Variants in AIMP2 observed in about 807,000 individuals in gnomAD.
AIMP2 encodes the protein aminoacyl tRNA synthetase complex interacting multifunctional protein 2, also known as aminoacyl tRNA synthase complex-interacting multifunctional protein 2.
Under a neutral mutation model 23.4 loss-of-function variants are expected in AIMP2, and 20 were observed. The ratio of observed to expected loss-of-function variants is 0.85; its 90% CI spans 0.60 to 1.24. AIMP2 has a LOEUF of 1.24. Ranked by LOEUF, AIMP2 falls within the 50% of genes most tolerant of loss-of-function variation. The pLI is 0.00. For synonymous variants in AIMP2, 210 were observed against 170.4 expected (o/e 1.23, Z -1.81); for missense variants, 515 against 414.5 (o/e 1.24, Z -2.10).
At chr7:6,010,206 G>A (rs1786544635) in intron 1 of AIMP2, among the ~76,000 whole-genome samples, 1 of 150,892 alleles carries the variant, frequency 6.6e-6, no homozygotes, top group African/African-American at 2.4e-5. Context: ...AAACATTTTG[G>A]TTCAGAGATT....
At chr7:6,022,985 G>C (rs1787543158) in intron 3 of AIMP2, 1 of 278,226 alleles carries the variant, frequency 3.6e-6, no homozygotes, top group Non-Finnish European at 6.7e-6. Context: ...TGCAGCTCCT[G>C]GGTTTCCAGC....
intron 1 of AIMP2, among the ~76,000 whole-genome samples, chr7:6,011,334 G>A (rs1182873481): frequency 2.6e-5 from 4 of 152,170 alleles, no homozygotes; most frequent in African/African-American, 7.2e-5. Flanking sequence ...AAAGCTGGTG[G>A]GTGTAGCGTG....
At chr7:6,012,576 G>A (rs1786757498) in intron 1 of AIMP2, 1 of 192,632 alleles carries the variant, frequency 5.2e-6, no homozygotes, top group Non-Finnish European at 1.1e-5. Context: ...TTTTGTTTTT[G>A]AGACAGAGTC....
At chr7:6,015,442 A>G in intron 2 of AIMP2, 90 bp downstream of exon 2, 1 of 1,440,378 alleles carries the variant, frequency 6.9e-7, no homozygotes, top group Non-Finnish European at 9.6e-7. Context: ...CTTAGCTTTC[A>G]GGCCGGGCGT....
chr7:6,018,492 A>G (rs1787174538), intron 3 of AIMP2, among the ~76,000 whole-genome samples: 1 of 151,166 alleles, frequency 6.6e-6, no homozygotes, highest in Non-Finnish European at 1.5e-5. Context: ...AATTTTTTGG[A>G]GATTTGCAGC....
chr7:6,009,989 A>ATATATATATATATG lies in AIMP2; in HGVS notation c.135+494_135+495insATATATATATGTAT, dbSNP rs1259647902. Among the ~76,000 whole-genome samples the ATATATATATATATG allele has an allele frequency of 1.5e-3, 167 of 108,288 alleles. 1 individual carries two copies. The highest frequency in any genetic ancestry group is 2.5e-3 in the Non-Finnish European group (130 of 52,222). 71.0% of individuals were successfully genotyped at this position (108,288 alleles called of 152,430 possible). A position where few individuals can be genotyped will look rare whatever the true frequency, so the allele number is the denominator to read the frequency against. On this transcript the variant is annotated intron_variant, in intron 1 of 3. Transcript: ENST00000223029. ...AAAAAAAAAAAATATATATATATAT[A>ATATATATATATATG]TATGTATGTATCTTTCCAGGTCGGG...
chr7:6,018,057 G>T lies in AIMP2; in HGVS notation c.574+12G>T, dbSNP rs747381930. Reference sequence around the variant, plus strand: ...AATTTGGAAGAATGGTAAGTAGACGGGACTGAGTTCAACTTACACACAGCT... The same window carrying T: ...AATTTGGAAGAATGGTAAGTAGACGTGACTGAGTTCAACTTACACACAGCT... On this transcript the variant is annotated intron_variant, in intron 3 of 3. Transcript: ENST00000223029. 16 of 1,602,748 alleles carry T rather than the reference G, an allele frequency of 1.0e-5. No individual in the cohort carries two copies. The highest frequency in any genetic ancestry group is 1.3e-5 in the Non-Finnish European group (15 of 1,172,022).
chr7:6,012,252 CAAA>C (rs144366351), intron 1 of AIMP2, among the ~76,000 whole-genome samples: 14,619 of 113,944 alleles, frequency 0.13, 744 homozygotes, highest in Admixed American at 0.16. Flanking sequence ...AACCCTGTCT[CAAA>C]AAAAAAAAAA....
rs147133806 is a variant in AIMP2, at chr7:6,022,079, T to C, written c.575-1224T>C. Reference sequence around the variant, plus strand: ...AACTTAATGAATAGTAAATTCATTATCATTTTCTTTTAAAGAGGCAGGGTC... The same window carrying C: ...AACTTAATGAATAGTAAATTCATTACCATTTTCTTTTAAAGAGGCAGGGTC... On this transcript the variant is annotated intron_variant, in intron 3 of 3. Coordinates refer to ENST00000223029, the MANE Select transcript of AIMP2 (RefSeq NM_006303.4). Among the ~76,000 whole-genome samples the C allele has an allele frequency of 3.7e-3, 558 of 152,200 alleles. 18 individuals carry two copies. Among genetic ancestry groups the C allele is most frequent in the Admixed American group, 0.034 (523 of 15,270 alleles).
chr7:6,012,937 A>G, intron 1 of AIMP2: 1 of 989,902 alleles, frequency 1.0e-6, no homozygotes, highest in Non-Finnish European at 1.2e-6. Context: ...TTGATCTTAA[A>G]TAAGAGCAGC....
intron 1 of AIMP2, among the ~76,000 whole-genome samples, chr7:6,009,988 T>C (rs1443575146): frequency 9.2e-6 from 1 of 108,348 alleles, no homozygotes; most frequent in Non-Finnish European, 1.9e-5. Flanking sequence ...TATATATATA[T>C]ATATGTATGT....
At chr7:6,012,291 A>T (rs1786740380) in intron 1 of AIMP2, among the ~76,000 whole-genome samples, 1 of 151,972 alleles carries the variant, frequency 6.6e-6, no homozygotes, top group Non-Finnish European at 1.5e-5. Context: ...AAGTATCTCC[A>T]GGGTAAATGA....
rs182045910 is a variant in AIMP2, at chr7:6,023,833, T to G, written c.*142T>G. On this transcript the variant is annotated 3_prime_UTR_variant, in exon 4 of 4. Coordinates refer to ENST00000223029, the MANE Select transcript of AIMP2 (RefSeq NM_006303.4). ...GTGTCAATAAAAGCATCATGTAATT[T>G]ATGGTTTTCATTTTATTTAAAATTC... 2.2e-3 allele frequency: 3,454 copies of G among 1,556,192 alleles called. 5 individuals carry two copies. The highest frequency in any genetic ancestry group is 2.7e-3 in the Non-Finnish European group (3,084 of 1,149,350).
intron 1 of AIMP2, among the ~76,000 whole-genome samples, chr7:6,013,347 C>T (rs1178898907): frequency 4.0e-5 from 6 of 150,102 alleles, no homozygotes; most frequent in Non-Finnish European, 7.4e-5. Context: ...CTGCAACCTC[C>T]GCCTCCCGGG....
intron 1 of AIMP2, among the ~76,000 whole-genome samples, chr7:6,010,562 C>T (rs112604887): frequency 0.025 from 3,779 of 151,998 alleles, 87 homozygotes; most frequent in Middle Eastern, 0.13. Context: ...CAATTCTCTG[C>T]CTCAGCCTCC....
intron 3 of AIMP2, among the ~76,000 whole-genome samples, chr7:6,021,800 A>G (rs1320904303): frequency 6.6e-6 from 1 of 152,172 alleles, no homozygotes; most frequent in Admixed American, 6.5e-5. Context: ...GGAGTCTTCT[A>G]TGATATAAGC....
At chr7:6,013,541 A>G (rs542815999) in intron 1 of AIMP2, among the ~76,000 whole-genome samples, 2 of 152,244 alleles carry the variant, frequency 1.3e-5, no homozygotes, top group African/African-American at 2.4e-5. Flanking sequence ...GATTATAGGC[A>G]TCAGTCAGCG....
At chr7:6,009,974 A>AATATAC (rs1786493450) in intron 1 of AIMP2, among the ~76,000 whole-genome samples, 1 of 26,662 alleles carries the variant, frequency 3.8e-5, no homozygotes, top group Non-Finnish European at 6.8e-5. Context: ...AAAAAAAAAA[A>AATATAC]ATATATATAT....
intron 3 of AIMP2, among the ~76,000 whole-genome samples, chr7:6,021,075 C>G (rs1310661135): frequency 6.6e-6 from 1 of 152,118 alleles, no homozygotes; most frequent in Admixed American, 6.6e-5. Flanking sequence ...TAAAGTTCTT[C>G]AATGCTGCAG....
Sources: allele counts gnomAD v4.1 joint callset (sites outside exome capture counted in the v4.1 genomes callset), GRCh38; gene constraint gnomAD v4.1.1; transcripts MANE v1.5; gene names NCBI Gene and HGNC (gene_info 2026-07-23, HGNC 2026-07-21).